Variants in UBE2H observed in about 807,000 individuals in gnomAD.
The protein encoded by UBE2H is ubiquitin conjugating enzyme E2 H.
A neutral mutation model predicts 29.0 loss-of-function variants in UBE2H; 3 were observed. That is an observed-to-expected ratio of 0.10 (90% CI 0.05 to 0.27). UBE2H has a LOEUF of 0.27. Among genes scored for constraint, UBE2H ranks in the 10% least tolerant of loss-of-function variants. The pLI is 1.00. For missense variants in UBE2H, 68 were observed against 228.2 expected (o/e 0.30, Z 4.52); for synonymous variants, 69 against 82.9 (o/e 0.83, Z 0.91).
At chr7:129,871,163 C>CT in intron 3 of UBE2H, among the ~76,000 whole-genome samples, 2 of 152,302 alleles carry the variant, frequency 1.3e-5, no homozygotes, top group South Asian at 4.1e-4. Flanking sequence ...TTGTTCACTT[C>CT]TGTATCTACA....
chr7:129,865,263 C>T (rs1438947082), intron 3 of UBE2H, among the ~76,000 whole-genome samples: 1 of 152,082 alleles, frequency 6.6e-6, no homozygotes, highest in African/African-American at 2.4e-5. Flanking sequence ...CTAAGTCATG[C>T]TGAAAAACTG....
intron 1 of UBE2H, among the ~76,000 whole-genome samples, chr7:129,934,928 T>C (rs988291352): frequency 2.1e-5 from 1 of 48,724 alleles, no homozygotes; most frequent in African/African-American, 5.7e-5. Flanking sequence ...TGTATATATA[T>C]GTGTATATAT....
At chr7:129,923,403 A>C in intron 1 of UBE2H, among the ~76,000 whole-genome samples, 1 of 152,328 alleles carries the variant, frequency 6.6e-6, no homozygotes, top group African/African-American at 2.4e-5. Context: ...CTACCAACCC[A>C]GAGTTTGTTC....
In UBE2H at chr7:129,834,695, AT is replaced by A; in HGVS notation, c.*241del. On this transcript the variant is annotated 3_prime_UTR_variant, in exon 7 of 7. Transcript: ENST00000355621. ...CTTGGCCACATGGACTCATGAATGC[AT>A]GCATTCAGACCGCATATTGCTACCA... The A allele has an allele frequency of 2.5e-6, 1 of 394,378 alleles. No individual in the cohort carries two copies. The highest frequency in any genetic ancestry group is 4.0e-5 in the South Asian group (1 of 25,020). The allele number at this position is 394,378 out of a possible 1,614,324, so 24.4% of individuals were successfully genotyped here. A position where few individuals can be genotyped will look rare whatever the true frequency, so the allele number is the denominator to read the frequency against.
At chr7:129,937,559 A>T (rs1215994979) in intron 1 of UBE2H, among the ~76,000 whole-genome samples, 1 of 152,198 alleles carries the variant, frequency 6.6e-6, no homozygotes, top group East Asian at 1.9e-4. Flanking sequence ...AGATGAGTGG[A>T]TAAAAAAGCA....
intron 1 of UBE2H, among the ~76,000 whole-genome samples, chr7:129,920,463 A>G (rs188329207): frequency 1.2e-4 from 18 of 152,322 alleles, no homozygotes; most frequent in African/African-American, 4.3e-4. Context: ...CATATAACTC[A>G]ATATAAATGA....
chr7:129,876,951 C>T (rs1331412742), intron 3 of UBE2H, among the ~76,000 whole-genome samples: 1 of 152,130 alleles, frequency 6.6e-6, no homozygotes, highest in Non-Finnish European at 1.5e-5. Context: ...AAGCATATCA[C>T]ATTATATTGA....
In UBE2H at chr7:129,936,371, G is replaced by T. The variant is rs574560735; in HGVS notation, c.53+16132C>A. ...GTACTTTGGGAGGCCGAGGCGGGCA[G>T]ATCACGAGGTCAGGAGATCGAGACC... On this transcript the variant is annotated intron_variant, in intron 1 of 6. Coordinates refer to ENST00000355621, the MANE Select transcript of UBE2H (RefSeq NM_003344.4). 1.7e-3 allele frequency among the ~76,000 whole-genome samples: 264 copies of T among 152,240 alleles called. 1 individual carries two copies. The highest frequency in any genetic ancestry group is 3.0e-3 in the Non-Finnish European group (202 of 68,002).
chr7:129,907,219 A>G (rs1279062831), intron 1 of UBE2H, among the ~76,000 whole-genome samples: 2 of 152,138 alleles, frequency 1.3e-5, no homozygotes, highest in Non-Finnish European at 2.9e-5. Flanking sequence ...GGTAAGATCA[A>G]ATGACTCCAA....
chr7:129,877,492 C>A (rs926103828), intron 3 of UBE2H, among the ~76,000 whole-genome samples: 1 of 152,142 alleles, frequency 6.6e-6, no homozygotes, highest in Middle Eastern at 3.2e-3. Context: ...CCCCGCACAA[C>A]TGATTGAAAC....
intron 1 of UBE2H, among the ~76,000 whole-genome samples, chr7:129,919,530 T>G (rs932572716): frequency 6.6e-6 from 1 of 152,184 alleles, no homozygotes; most frequent in African/African-American, 2.4e-5. Context: ...GTTTTACAGC[T>G]CTATGCCTTT....
chr7:129,906,891 T>C (rs1385575061), intron 1 of UBE2H, among the ~76,000 whole-genome samples: 2 of 152,216 alleles, frequency 1.3e-5, no homozygotes, highest in African/African-American at 4.8e-5. Flanking sequence ...TGAAGCTAAC[T>C]ACCTTTGGAT....
chr7:129,833,387 T>C lies in UBE2H; in HGVS notation c.*1550A>G, dbSNP rs1315894699. On this transcript the variant is annotated 3_prime_UTR_variant, in exon 7 of 7. Transcript: ENST00000355621. ...CTCAAAAATCGTCTTTAGAAGGTTT[T>C]AGGATTGGCTAATTCTGCTATTATC... 1 of 152,506 alleles carries C rather than the reference T, an allele frequency of 6.6e-6. No individual in the cohort carries two copies. Among genetic ancestry groups the C allele is most frequent in the African/African-American group, 2.4e-5 (1 of 41,462 alleles). The allele number at this position is 152,506 out of a possible 1,614,324, so 9.4% of individuals were successfully genotyped here.
At chr7:129,888,766 CG>C (rs1226265165) in intron 1 of UBE2H, among the ~76,000 whole-genome samples, 1 of 152,168 alleles carries the variant, frequency 6.6e-6, no homozygotes, top group Non-Finnish European at 1.5e-5. Context: ...TGAGCCACCA[CG>C]CCCAGCCACA....
At chr7:129,938,924 G>C (rs1022109499) in intron 1 of UBE2H, among the ~76,000 whole-genome samples, 2 of 151,416 alleles carry the variant, frequency 1.3e-5, no homozygotes, top group Non-Finnish European at 2.9e-5. Context: ...TCAGCCTCCC[G>C]AGCAGCTTTG....
At chr7:129,949,144 G>C (rs1443780484) in intron 1 of UBE2H, 2 of 382,552 alleles carry the variant, frequency 5.2e-6, no homozygotes, top group Non-Finnish European at 1.1e-5. Context: ...GTGCAACAGG[G>C]TGAGACGAGT....
chr7:129,948,310 C>T (rs1807805108), intron 1 of UBE2H, among the ~76,000 whole-genome samples: 1 of 152,168 alleles, frequency 6.6e-6, no homozygotes, highest in African/African-American at 2.4e-5. Context: ...TGTGAGCCAC[C>T]ACACTTGGCC....
At chr7:129,860,517 C>T (rs1805780279) in intron 3 of UBE2H, among the ~76,000 whole-genome samples, 1 of 152,118 alleles carries the variant, frequency 6.6e-6, no homozygotes, top group South Asian at 2.1e-4. Flanking sequence ...TAGAAAAATA[C>T]TAATACACAT....
At chr7:129,938,663 G>A (rs1429430898) in intron 1 of UBE2H, among the ~76,000 whole-genome samples, 5 of 148,786 alleles carry the variant, frequency 3.4e-5, no homozygotes, top group Admixed American at 6.7e-5. Context: ...TCGAGATTAC[G>A]CCATTGCACT....
Sources: gnomAD v4.1 joint callset for allele counts (sites outside exome capture counted in the v4.1 genomes callset) on GRCh38, gnomAD v4.1.1 for gene constraint, MANE v1.5 for transcripts, NCBI Gene and HGNC (gene_info 2026-07-23, HGNC 2026-07-21) for gene names.